The following SORCS2 variants were observed in gnomAD, a reference collection of about 807,000 sequenced individuals.
The protein encoded by SORCS2 is VPS10 domain-containing receptor SorCS2.
Under a neutral mutation model 141.6 loss-of-function variants are expected in SORCS2, and 100 were observed. The ratio of observed to expected loss-of-function variants is 0.71; its 90% CI spans 0.60 to 0.83. The LOEUF (loss-of-function observed/expected upper bound fraction) is 0.83, where lower values mean the gene tolerates loss of function less well. SORCS2 is among the 40% of genes least tolerant of loss of function. The pLI is 0.00. For synonymous variants in SORCS2, 789 were observed against 676.9 expected, an observed-to-expected ratio of 1.17 and a Z score of -2.57; for missense variants, 1,646 against 1,560.2, an observed-to-expected ratio of 1.05 and a Z score of -0.93.
chr4:7,548,071 A>T (rs1713403579), intron 3 of SORCS2, among the ~76,000 whole-genome samples: 1 of 152,170 alleles, frequency 6.6e-6, no homozygotes, highest in African/African-American at 2.4e-5. Context: ...AATAGTAATT[A>T]TATTTTCTGA....
rs552788836 is a variant in SORCS2, at chr4:7,648,609, G to A, written c.814-5525G>A. Among the ~76,000 whole-genome samples the A allele has an allele frequency of 3.9e-5, 6 of 152,252 alleles. No homozygotes were observed. Among genetic ancestry groups the A allele is most frequent in the African/African-American group, 1.2e-4 (5 of 41,542 alleles). ...ATGGGGGCGCAGAGCAGATGACGAG[G>A]GATGGGTTAGAAGCTGCTGGGTCTA... On this transcript the variant is annotated intron_variant, in intron 4 of 26. Coordinates refer to ENST00000507866, the MANE Select transcript of SORCS2 (RefSeq NM_020777.3). The surrounding 1 kb of genome is among the most constrained non-coding windows in gnomAD (Gnocchi z 4.2).
chr4:7,594,046 C>G (rs1444459602), intron 3 of SORCS2, among the ~76,000 whole-genome samples: 1 of 152,206 alleles, frequency 6.6e-6, no homozygotes, highest in African/African-American at 2.4e-5. Flanking sequence ...CTGCCAGGAC[C>G]TGGGCTAGGT....
At chr4:7,277,661 C>G (rs900126697) in intron 1 of SORCS2, among the ~76,000 whole-genome samples, 1 of 151,956 alleles carries the variant, frequency 6.6e-6, no homozygotes, top group South Asian at 2.1e-4. Flanking sequence ...CCACTCCCTC[C>G]GGACTCTGAG....
At chr4:7,298,485 C>T (rs188811062) in intron 1 of SORCS2, among the ~76,000 whole-genome samples, 1 of 152,294 alleles carries the variant, frequency 6.6e-6, no homozygotes, top group African/African-American at 2.4e-5. Context: ...GATCGGTCAG[C>T]GACCCAGGCA....
At chr4:7,527,894 C>G (rs1355169432) in intron 2 of SORCS2, among the ~76,000 whole-genome samples, 3 of 152,128 alleles carry the variant, frequency 2.0e-5, no homozygotes, top group African/African-American at 7.2e-5. Context: ...GTGGGGGCAG[C>G]CTGGGGGGCT....
At chr4:7,713,036 C>G (rs560636555) in intron 15 of SORCS2, among the ~76,000 whole-genome samples, 183 bp downstream of exon 15, 1 of 152,198 alleles carries the variant, frequency 6.6e-6, no homozygotes, top group African/African-American at 2.4e-5. Flanking sequence ...AGACCCTTCT[C>G]GGTCATGGAG....
At chr4:7,205,628 A>T (rs1727688587) in intron 1 of SORCS2, among the ~76,000 whole-genome samples, 1 of 152,208 alleles carries the variant, frequency 6.6e-6, no homozygotes, top group South Asian at 2.1e-4. Flanking sequence ...CCTACTTCAT[A>T]ATGGAGGAAA....
chr4:7,375,098 T>G (rs1193131621), intron 1 of SORCS2, among the ~76,000 whole-genome samples: 2 of 152,178 alleles, frequency 1.3e-5, no homozygotes, highest in Admixed American at 1.3e-4. Flanking sequence ...AGAAAGGGAC[T>G]TGGAGGCTGC....
At chr4:7,481,368 G>A (rs923215794) in intron 2 of SORCS2, among the ~76,000 whole-genome samples, 9 of 152,362 alleles carry the variant, frequency 5.9e-5, no homozygotes, top group Non-Finnish European at 1.0e-4. Context: ...GGCTGGGCTC[G>A]GTCAGCAGGG....
At chr4:7,679,048 G>T (rs1179520326) in intron 9 of SORCS2, among the ~76,000 whole-genome samples, 1 of 152,194 alleles carries the variant, frequency 6.6e-6, no homozygotes, top group African/African-American at 2.4e-5. Context: ...ATAATTCATG[G>T]TGGGGCTGGC....
chr4:7,321,538 G>A (rs1249397631), intron 1 of SORCS2, among the ~76,000 whole-genome samples: 1 of 152,266 alleles, frequency 6.6e-6, no homozygotes, highest in Non-Finnish European at 1.5e-5. Flanking sequence ...GCACTGGGAA[G>A]ACACCGGTGG....
chr4:7,246,939 GCCT>G (rs1456482544), intron 1 of SORCS2, among the ~76,000 whole-genome samples: 1 of 152,304 alleles, frequency 6.6e-6, no homozygotes, highest in East Asian at 1.9e-4. Context: ...CTACCCGCTT[GCCT>G]CCTCCTCCAG....
intron 17 of SORCS2, among the ~76,000 whole-genome samples, chr4:7,717,211 G>A (rs113316382): frequency 8.5e-4 from 130 of 152,282 alleles, no homozygotes; most frequent in African/African-American, 2.8e-3. Flanking sequence ...CCACCCTAGG[G>A]CCTTTGCACA....
chr4:7,674,553 G>A (rs1347786461), intron 8 of SORCS2, among the ~76,000 whole-genome samples: 7 of 137,332 alleles, frequency 5.1e-5, no homozygotes, highest in Middle Eastern at 4.3e-3. Context: ...CAGCCTGGGC[G>A]ACAGAGCGAG....
intron 1 of SORCS2, among the ~76,000 whole-genome samples, chr4:7,362,484 C>A (rs1721636120): frequency 6.6e-6 from 1 of 152,178 alleles, no homozygotes; most frequent in African/African-American, 2.4e-5. Flanking sequence ...TTGCTAGGCA[C>A]TCACTGAGCT....
chr4:7,715,318 G>A lies in SORCS2; in HGVS notation c.2252+7G>A, dbSNP rs755304365. On this transcript the variant is annotated splice_region_variant and intron_variant, in intron 17 of 26. Coordinates refer to ENST00000507866, the MANE Select transcript of SORCS2 (RefSeq NM_020777.3). Reference sequence around the variant, plus strand: ...CCTACACCAGCAGCCTTGGGTGAGTGTGGGTGCGGGCCTCTCCCTGCCTAA... The same window carrying A: ...CCTACACCAGCAGCCTTGGGTGAGTATGGGTGCGGGCCTCTCCCTGCCTAA... 6.2e-7 allele frequency: 1 copy of A among 1,613,852 alleles called. No individual in the cohort carries two copies.
At position 7,193,080 on chromosome 4, in the gene SORCS2, C is replaced by T. The variant is rs1462893399; in HGVS notation, c.434C>T (p.Ala145Val). 2 of 1,561,274 alleles carry T rather than the reference C, an allele frequency of 1.3e-6. No homozygotes were observed. The highest frequency in any genetic ancestry group is 1.7e-6 in the Non-Finnish European group (2 of 1,163,192). ...ACGTCGTTCGTGCTCAAGGGGGACG[C>T]GACGCACAACCAGGCGATGGTGCAC... Reference protein sequence around the residue: ...ISTSFVLKGDATHNQAMVHWT... With the variant: ...ISTSFVLKGDVTHNQAMVHWT... Residue 145 changes from alanine to valine, a missense_variant, in exon 1 of 27, where the codon GCG becomes GTG. By Grantham distance (64) the Ala-to-Val change is moderately conservative. Coordinates refer to ENST00000507866, the MANE Select transcript of SORCS2 (RefSeq NM_020777.3). The surrounding 1 kb of genome is among the most constrained non-coding windows in gnomAD (Gnocchi z 4.8).
intron 3 of SORCS2, among the ~76,000 whole-genome samples, chr4:7,579,011 G>A (rs1164851429): frequency 6.6e-6 from 1 of 152,152 alleles, no homozygotes; most frequent in Non-Finnish European, 1.5e-5. Flanking sequence ...CTCACAGACT[G>A]GGATGTGTGA....
intron 1 of SORCS2, among the ~76,000 whole-genome samples, chr4:7,238,587 G>C (rs1393548011): frequency 6.6e-6 from 1 of 152,162 alleles, no homozygotes; most frequent in Non-Finnish European, 1.5e-5. Context: ...GTGTGTGCCT[G>C]TGTGTGTGTG....
Sources: allele counts gnomAD v4.1 joint callset (sites outside exome capture counted in the v4.1 genomes callset), GRCh38; gene constraint gnomAD v4.1.1; non-coding constraint Gnocchi (gnomAD v3.1); transcripts MANE v1.5; gene names NCBI Gene and HGNC (gene_info 2026-07-23, HGNC 2026-07-21).